Variants in NCALD observed in about 807,000 individuals in gnomAD.
NCALD encodes neurocalcin delta.
NCALD carries 10 observed loss-of-function variants against 18.6 expected under a neutral mutation model. That is an observed-to-expected ratio of 0.54 (90% CI 0.33 to 0.91). The LOEUF (loss-of-function observed/expected upper bound fraction) is 0.91. NCALD is among the 40% of genes least tolerant of loss of function. The pLI, the probability that NCALD is intolerant of heterozygous loss-of-function variation, is 0.03. For missense variants in NCALD, 184 were observed against 247.6 expected (o/e 0.74, Z 1.72); for synonymous variants, 88 against 87.4 (o/e 1.01, Z -0.04).
At chr8:101,948,999 G>C (rs1292479353) in intron 2 of NCALD, among the ~76,000 whole-genome samples, 1 of 152,168 alleles carries the variant, frequency 6.6e-6, no homozygotes, top group African/African-American at 2.4e-5. Context: ...GGTGCTTCTT[G>C]TTAAGTGTAC....
chr8:102,112,035 T>C (rs1825656817), intron 1 of NCALD, among the ~76,000 whole-genome samples: 1 of 152,228 alleles, frequency 6.6e-6, no homozygotes, highest in South Asian at 2.1e-4. Flanking sequence ...TTCTTTGAAA[T>C]GTTTATAAAA....
chr8:101,768,344 T>C (rs931273174), intron 1 of NCALD, among the ~76,000 whole-genome samples: 12 of 151,632 alleles, frequency 7.9e-5, no homozygotes, highest in African/African-American at 2.4e-4. Flanking sequence ...CAATAGTCTA[T>C]ATCTGCAGGT....
At chr8:101,716,788 C>T (rs928247006) in intron 2 of NCALD, among the ~76,000 whole-genome samples, 3 of 152,126 alleles carry the variant, frequency 2.0e-5, no homozygotes, top group Non-Finnish European at 4.4e-5. Context: ...TTCACATGGT[C>T]CCAGTGTAAT....
chr8:102,095,088 G>A (rs749357472), intron 1 of NCALD, among the ~76,000 whole-genome samples: 2 of 152,216 alleles, frequency 1.3e-5, no homozygotes, highest in Non-Finnish European at 2.9e-5. Context: ...TTGGACTTCA[G>A]CCTGCCTTGG....
At chr8:101,931,650 T>C (rs1818578365) in intron 2 of NCALD, among the ~76,000 whole-genome samples, 1 of 148,996 alleles carries the variant, frequency 6.7e-6, no homozygotes, top group Non-Finnish European at 1.5e-5. Context: ...TTCTCGTATT[T>C]TCTTTGTTTG....
At chr8:102,076,558 A>G (rs1824355832) in intron 1 of NCALD, among the ~76,000 whole-genome samples, 1 of 146,710 alleles carries the variant, frequency 6.8e-6, no homozygotes. Context: ...CACAGTTTAT[A>G]TGTGAGAAAT....
chr8:101,884,813 C>T (rs923596850), intron 4 of NCALD, among the ~76,000 whole-genome samples: 24 of 152,122 alleles, frequency 1.6e-4, no homozygotes, highest in Non-Finnish European at 2.9e-4. Flanking sequence ...GTATTTGTCT[C>T]TGTGGCTATA....
chr8:101,848,557 T>C (rs777463098), intron 4 of NCALD, among the ~76,000 whole-genome samples: 1 of 152,192 alleles, frequency 6.6e-6, no homozygotes, highest in Admixed American at 6.5e-5. Flanking sequence ...GAGGTCATGA[T>C]TCCCATAATC....
chr8:101,843,188 A>G (rs954607316), intron 4 of NCALD, among the ~76,000 whole-genome samples: 9 of 152,274 alleles, frequency 5.9e-5, no homozygotes, highest in East Asian at 1.9e-4. Context: ...TACTTGGCAC[A>G]TAGTAGGTAA....
chr8:102,095,777 A>C (rs2132392580), intron 1 of NCALD, among the ~76,000 whole-genome samples: 1 of 152,360 alleles, frequency 6.6e-6, no homozygotes, highest in Middle Eastern at 3.4e-3. Flanking sequence ...TGGTGGAAGC[A>C]CCCATTTCAA....
At position 102,054,663 on chromosome 8, in the gene NCALD, TAGATAGATA is replaced by T. The variant is rs1823573817; in HGVS notation, c.-209-34383_-209-34375del. 2.3e-3 allele frequency among the ~76,000 whole-genome samples: 32 copies of T among 14,010 alleles called. 1 individual carries two copies. The highest frequency in any genetic ancestry group is 0.019 in the Admixed American group (27 of 1,412). The allele number at this position is 14,010 out of a possible 152,430, so 9.2% of individuals were successfully genotyped here. ...ATATGTCTCTCTCTTTCTCTTCCGA[TAGATAGATA>T]GATAGATAGATAGATAGATAGATAG... On this transcript the variant is annotated intron_variant, in intron 1 of 6. Transcript: ENST00000311028.
chr8:101,928,926 G>A (rs1173549537), intron 2 of NCALD, among the ~76,000 whole-genome samples: 2 of 152,036 alleles, frequency 1.3e-5, no homozygotes, highest in African/African-American at 4.8e-5. Context: ...ACTTGAAAGG[G>A]AGGCGTGCAG....
chr8:101,838,855 A>T (rs1293986341), intron 4 of NCALD, among the ~76,000 whole-genome samples: 26 of 152,226 alleles, frequency 1.7e-4, no homozygotes, highest in Admixed American at 1.6e-3. Context: ...CAATGTTCAC[A>T]ATGATATTCT....
At chr8:102,011,734 T>A (rs536149130) in intron 2 of NCALD, among the ~76,000 whole-genome samples, 1 of 152,232 alleles carries the variant, frequency 6.6e-6, no homozygotes, top group African/African-American at 2.4e-5. Context: ...AAAATCAGCA[T>A]GTAAAAATTA....
intron 1 of NCALD, among the ~76,000 whole-genome samples, chr8:102,069,529 T>C (rs1432082947): frequency 6.6e-6 from 1 of 152,014 alleles, no homozygotes; most frequent in Non-Finnish European, 1.5e-5. Context: ...CTCCTAGGAG[T>C]TATCCTAAGG....
At chr8:101,766,967 G>A (rs73699957) in intron 1 of NCALD, among the ~76,000 whole-genome samples, 24 of 152,308 alleles carry the variant, frequency 1.6e-4, no homozygotes, top group African/African-American at 5.8e-4. Context: ...CATACTCTAT[G>A]TATAGTTCTG....
chr8:101,753,010 G>A (rs1327214496), intron 1 of NCALD, among the ~76,000 whole-genome samples: 5 of 150,756 alleles, frequency 3.3e-5, no homozygotes, highest in South Asian at 2.1e-4. Flanking sequence ...TCAATTTCAC[G>A]TGCTCAGTAG....
At chr8:101,859,902 A>C (rs1815471283) in intron 4 of NCALD, among the ~76,000 whole-genome samples, 1 of 152,210 alleles carries the variant, frequency 6.6e-6, no homozygotes, top group African/African-American at 2.4e-5. Flanking sequence ...TGGCACAATA[A>C]ATTTTTTAAA....
chr8:101,757,716 TTCTC>T (rs1378653431), intron 1 of NCALD, among the ~76,000 whole-genome samples: 1 of 152,162 alleles, frequency 6.6e-6, no homozygotes, highest in East Asian at 1.9e-4. Context: ...TGTTTCCCCT[TTCTC>T]TATCCCTGTA....
Sources: allele counts gnomAD v4.1 joint callset (sites outside exome capture counted in the v4.1 genomes callset), GRCh38; gene constraint gnomAD v4.1.1; transcripts MANE v1.5; gene names NCBI Gene and HGNC (gene_info 2026-07-23, HGNC 2026-07-21).